The following TMEM248 variants were observed in gnomAD, a reference collection of about 807,000 sequenced individuals.
TMEM248 encodes UPF0458 protein C7orf42.
A neutral mutation model predicts 30.3 loss-of-function variants in TMEM248; 9 were observed. The ratio of observed to expected loss-of-function variants is 0.30; its 90% CI spans 0.18 to 0.52. The LOEUF (loss-of-function observed/expected upper bound fraction) is 0.52, where lower values mean the gene tolerates loss of function less well. TMEM248 is among the 20% of genes least tolerant of loss of function. TMEM248 has a pLI of 0.97. For synonymous variants in TMEM248, 184 were observed against 154.4 expected (o/e 1.19, Z -1.42); for missense variants, 338 against 403.3 (o/e 0.84, Z 1.39).
At chr7:66,922,488 TGTGCATTGACCCTAA>T (rs1791411545) in intron 1 of TMEM248, among the ~76,000 whole-genome samples, 1 of 152,220 alleles carries the variant, frequency 6.6e-6, no homozygotes, top group South Asian at 2.1e-4. Context: ...TATACTTAGG[TGTGCATTGACCCTAA>T]GTGCATTTAC....
chr7:66,940,068 C>G (rs1313375755), intron 1 of TMEM248, among the ~76,000 whole-genome samples: 2 of 152,092 alleles, frequency 1.3e-5, no homozygotes, highest in African/African-American at 2.4e-5. Flanking sequence ...ATTCTCCTGC[C>G]TCAGCCTCCC....
chr7:66,945,371 G>T (rs555891504), intron 3 of TMEM248, 110 bp downstream of exon 3: 1 of 1,247,906 alleles, frequency 8.0e-7, no homozygotes, highest in Non-Finnish European at 1.1e-6. Flanking sequence ...GTAGTCTTGC[G>T]CGTGTCTTTT....
At chr7:66,946,646 G>C (rs1264622672) in intron 3 of TMEM248, among the ~76,000 whole-genome samples, 2 of 151,844 alleles carry the variant, frequency 1.3e-5, no homozygotes, top group African/African-American at 4.8e-5. Context: ...AAGAGACAAA[G>C]ATAAACGTGA....
At chr7:66,925,832 A>G (rs528221391) in intron 1 of TMEM248, among the ~76,000 whole-genome samples, 3 of 151,698 alleles carry the variant, frequency 2.0e-5, no homozygotes, top group South Asian at 2.1e-4. Context: ...TAGTAGAGAC[A>G]GGGTTTCACC....
rs773158862 is a variant in TMEM248 at position 66,944,994 on chromosome 7, C to A, written c.178C>A (p.Leu60Ile). 1 of 1,614,100 alleles carries A rather than the reference C, an allele frequency of 6.2e-7. No homozygotes were observed. Among genetic ancestry groups the A allele is most frequent in the East Asian group, 2.2e-5 (1 of 44,884 alleles). The change falls in exon 3 of 7, where the codon CTA (leucine) becomes ATA (isoleucine). Residue 60 changes from leucine to isoleucine, a missense_variant. By Grantham distance (5) the Leu-to-Ile change is conservative (BLOSUM62 2). Coordinates refer to ENST00000341567, the MANE Select transcript of TMEM248 (RefSeq NM_017994.5). The stretch of plus-strand genomic sequence containing the variant: ...CCCAAAGGATTGGAATACTTTTCTG[C>A]TACGGTTCAATGATTTGGACTTGTG... ...EMAEDWNTFL[L>I]RFNDLDLCVS...
At chr7:66,953,434 T>A (rs1237848744) in intron 6 of TMEM248, 65 bp downstream of exon 6, 3 of 1,570,126 alleles carry the variant, frequency 1.9e-6, no homozygotes, top group Non-Finnish European at 2.6e-6. Flanking sequence ...AAAGTCCCAG[T>A]TATCCTTATT....
intron 4 of TMEM248, among the ~76,000 whole-genome samples, chr7:66,950,278 T>TA (rs1459930297): frequency 6.6e-6 from 1 of 152,022 alleles, no homozygotes; most frequent in Non-Finnish European, 1.5e-5. Flanking sequence ...TTTTGAATTG[T>TA]AGTTCCCATA....
chr7:66,921,491 T>C (rs1225712207), intron 1 of TMEM248, 30 bp downstream of exon 1: 1 of 150,896 alleles, frequency 6.6e-6, no homozygotes, highest in Non-Finnish European at 1.5e-5. Flanking sequence ...CGGGCTGGGG[T>C]CGGGCCCAGT....
chr7:66,923,146 A>G (rs1472136537), intron 1 of TMEM248, among the ~76,000 whole-genome samples: 2 of 150,290 alleles, frequency 1.3e-5, no homozygotes, highest in Non-Finnish European at 2.9e-5. Flanking sequence ...ATCAGAAACT[A>G]ACTTTTTTTT....
chr7:66,942,066 T>C, intron 2 of TMEM248, 42 bp downstream of exon 2: 1 of 1,597,528 alleles, frequency 6.3e-7, no homozygotes, highest in South Asian at 1.1e-5. Flanking sequence ...CTGGTCCTTG[T>C]GCAGTGGGGC....
At chr7:66,940,174 G>A (rs535220490) in intron 1 of TMEM248, among the ~76,000 whole-genome samples, 2 of 152,116 alleles carry the variant, frequency 1.3e-5, no homozygotes, top group South Asian at 4.1e-4. Flanking sequence ...GGCTGGTCTC[G>A]AACTCCTGAC....
chr7:66,950,215 CAAA>C (rs376969562), intron 4 of TMEM248, among the ~76,000 whole-genome samples: 2 of 121,038 alleles, frequency 1.7e-5, no homozygotes. Flanking sequence ...GACTCCGTCT[CAAA>C]AAAAAAAAAA....
rs766813091 is a variant in TMEM248 at position 66,955,543 on chromosome 7, TGA to T, written c.*28_*29del. On this transcript the variant is annotated 3_prime_UTR_variant, in exon 7 of 7. Transcript: ENST00000341567. Reference sequence around the variant, plus strand: ...CCTAATTCCACAGCTCCTTGTTTTTTGAGAGAGACTGAGAGAACCATAATCCT... The same window carrying T: ...CCTAATTCCACAGCTCCTTGTTTTTTGAGAGACTGAGAGAACCATAATCCT... 32 of 1,613,974 alleles carry T rather than the reference TGA, an allele frequency of 2.0e-5. No homozygotes were observed. Among genetic ancestry groups the T allele is most frequent in the Non-Finnish European group, 2.5e-5 (29 of 1,179,988 alleles).
intron 1 of TMEM248, among the ~76,000 whole-genome samples, chr7:66,924,717 A>G (rs781752813): frequency 2.8e-4 from 42 of 148,018 alleles, no homozygotes; most frequent in Non-Finnish European, 5.4e-4. Context: ...ATTTTTATTT[A>G]TTTATTTATT....
At chr7:66,924,282 T>C (rs898612788) in intron 1 of TMEM248, among the ~76,000 whole-genome samples, 8 of 152,208 alleles carry the variant, frequency 5.3e-5, no homozygotes, top group African/African-American at 1.9e-4. Flanking sequence ...AGATGGTGTG[T>C]TTCCCTTGCC....
intron 1 of TMEM248, among the ~76,000 whole-genome samples, chr7:66,926,838 T>C: frequency 6.6e-6 from 1 of 152,196 alleles, no homozygotes; most frequent in Admixed American, 6.5e-5. Context: ...GTAGTGTTTT[T>C]TCTGCGTGTG....
Position 66,951,028 on chromosome 7 carries a change from G to C in TMEM248, c.673G>C (p.Ala225Pro). The C allele has an allele frequency of 6.2e-7, 1 of 1,612,970 alleles. No homozygotes were observed. Among genetic ancestry groups the C allele is most frequent in the Non-Finnish European group, 8.5e-7 (1 of 1,179,714 alleles). ...CAAGATCTTCACAACTGCCAGAGATGCCAACACAAAATACGCCCAAGATTA... is the reference window on the plus strand; with the variant it reads ...CAAGATCTTCACAACTGCCAGAGATCCCAACACAAAATACGCCCAAGATTA... ...WYKIFTTARD[A>P]NTKYAQDYNP... The change falls in exon 5 of 7, where the codon GCC becomes CCC. Residue 225 changes from alanine (A) to proline (P), a missense_variant. Ala to Pro is a conservative substitution (Grantham distance 27, BLOSUM62 -1). Coordinates refer to ENST00000341567, the MANE Select transcript of TMEM248 (RefSeq NM_017994.5).
At chr7:66,951,323 T>G (rs1389968721) in intron 5 of TMEM248, 188 bp downstream of exon 5, 8 of 472,032 alleles carry the variant, frequency 1.7e-5, no homozygotes, top group Admixed American at 8.6e-5. Flanking sequence ...TGTTACCCAT[T>G]GGTTAAGAAA....
chr7:66,934,215 T>C (rs567627470), intron 1 of TMEM248, among the ~76,000 whole-genome samples: 1 of 151,886 alleles, frequency 6.6e-6, no homozygotes, highest in East Asian at 1.9e-4. Context: ...TTATTATTAT[T>C]TTGAGATGGA....
Sources: allele counts gnomAD v4.1 joint callset (sites outside exome capture counted in the v4.1 genomes callset), GRCh38; gene constraint gnomAD v4.1.1; transcripts MANE v1.5; gene names NCBI Gene and HGNC (gene_info 2026-07-23, HGNC 2026-07-21).